ODAD2: variants seen among roughly 807,000 people sequenced by gnomAD.
The protein encoded by ODAD2 is outer dynein arm docking complex subunit 2.
ODAD2 carries 89 observed loss-of-function variants against 106.8 expected under a neutral mutation model. The observed-to-expected ratio is 0.83, with a 90% CI of 0.70 to 0.99. The LOEUF (loss-of-function observed/expected upper bound fraction) is 0.99, where lower values mean the gene tolerates loss of function less well. Among genes scored for constraint, ODAD2 ranks in the 50% least tolerant of loss-of-function variants. The probability of loss-of-function intolerance (pLI) is 0.00; values close to 1 mark genes in which losing one functional copy is unlikely to be tolerated. For synonymous variants in ODAD2, 404 were observed against 436.2 expected, an observed-to-expected ratio of 0.93 and a Z score of 0.92; for missense variants, 1,168 against 1,238.5, an observed-to-expected ratio of 0.94 and a Z score of 0.85.
At chr10:27,862,829 T>A (rs1840152400) in intron 17 of ODAD2, among the ~76,000 whole-genome samples, 1 of 152,228 alleles carries the variant, frequency 6.6e-6, no homozygotes, top group South Asian at 2.1e-4. Flanking sequence ...TATATACATA[T>A]GTAGCACATA....
intron 17 of ODAD2, among the ~76,000 whole-genome samples, chr10:27,869,519 T>G (rs970841033): frequency 1.4e-5 from 2 of 141,126 alleles, no homozygotes; most frequent in Non-Finnish European, 3.1e-5. Flanking sequence ...ACTAAGTCAC[T>G]TTTTTTTCTT....
chr10:27,955,158 C>T (rs559283280), intron 10 of ODAD2, among the ~76,000 whole-genome samples: 1 of 152,216 alleles, frequency 6.6e-6, no homozygotes, highest in Non-Finnish European at 1.5e-5. Flanking sequence ...TTCGAGTGGA[C>T]GAACAGTGAG....
chr10:27,992,893 T>C (rs1238024051), intron 2 of ODAD2, among the ~76,000 whole-genome samples: 1 of 152,202 alleles, frequency 6.6e-6, no homozygotes, highest in African/African-American at 2.4e-5. Flanking sequence ...TTTTCTGTCA[T>C]CTGCTTTAAA....
At chr10:27,924,628 A>C (rs1168667823) in intron 16 of ODAD2, among the ~76,000 whole-genome samples, 2 of 146,292 alleles carry the variant, frequency 1.4e-5, no homozygotes, top group African/African-American at 4.9e-5. Flanking sequence ...AAAAAAAAAA[A>C]AAAAAAAAAA....
At chr10:27,902,485 T>C (rs542057043) in intron 17 of ODAD2, among the ~76,000 whole-genome samples, 1 of 152,246 alleles carries the variant, frequency 6.6e-6, no homozygotes, top group Non-Finnish European at 1.5e-5. Flanking sequence ...GGAAAAACTC[T>C]TCAAAAAATC....
intron 19 of ODAD2, among the ~76,000 whole-genome samples, chr10:27,819,177 T>A (rs1031778666): frequency 2.0e-5 from 3 of 151,948 alleles, no homozygotes; most frequent in Non-Finnish European, 4.4e-5. Context: ...CTGCAGTGTG[T>A]GGGAGGGAAG....
At chr10:27,870,010 G>A (rs1319028456) in intron 17 of ODAD2, among the ~76,000 whole-genome samples, 1 of 151,880 alleles carries the variant, frequency 6.6e-6, no homozygotes, top group African/African-American at 2.4e-5. Flanking sequence ...TATATATATA[G>A]TTGGAAGTAT....
chr10:27,826,442 C>T (rs970831817), intron 19 of ODAD2, among the ~76,000 whole-genome samples: 2 of 152,100 alleles, frequency 1.3e-5, no homozygotes, highest in East Asian at 1.9e-4. Flanking sequence ...TATTTAAAAC[C>T]GGCTCCACTC....
intron 10 of ODAD2, among the ~76,000 whole-genome samples, chr10:27,952,959 T>G (rs149226430): frequency 1.3e-5 from 2 of 152,236 alleles, no homozygotes; most frequent in East Asian, 3.8e-4. Context: ...AACTGTAGTG[T>G]GCATATATTG....
chr10:27,899,469 T>C (rs1462965139), intron 17 of ODAD2, among the ~76,000 whole-genome samples: 3 of 151,782 alleles, frequency 2.0e-5, no homozygotes, highest in Non-Finnish European at 4.4e-5. Context: ...GACAGAACTG[T>C]TCACACTCCT....
At chr10:27,843,190 A>T (rs558745147) in intron 19 of ODAD2, among the ~76,000 whole-genome samples, 101 of 152,300 alleles carry the variant, frequency 6.6e-4, no homozygotes, top group Non-Finnish European at 1.0e-3. Flanking sequence ...TTATTTTTTT[A>T]AAAAATAAGC....
intron 7 of ODAD2, among the ~76,000 whole-genome samples, chr10:27,971,702 A>G (rs1848877289): frequency 6.6e-6 from 1 of 152,222 alleles, no homozygotes; most frequent in African/African-American, 2.4e-5. Context: ...AATGAACATA[A>G]GAATTTTAAA....
chr10:27,976,977 A>G (rs1027489246), intron 7 of ODAD2, among the ~76,000 whole-genome samples: 1 of 152,234 alleles, frequency 6.6e-6, no homozygotes, highest in Non-Finnish European at 1.5e-5. Flanking sequence ...TATAAAGGTA[A>G]TTCAGTGAAA....
At chr10:27,884,158 T>G (rs1174983327) in intron 17 of ODAD2, among the ~76,000 whole-genome samples, 1 of 152,040 alleles carries the variant, frequency 6.6e-6, no homozygotes, top group Admixed American at 6.6e-5. Context: ...CAAAGAATCT[T>G]GAAAGTTGCA....
Position 27,877,882 on chromosome 10 carries a change from G to A in ODAD2, c.2611-15260C>T, listed in dbSNP as rs1049200854. Among the ~76,000 whole-genome samples, 5 of 152,076 alleles carry A rather than the reference G, an allele frequency of 3.3e-5. No individual in the cohort carries two copies. The East Asian group carries it at 5.8e-4, about 18-fold the overall frequency. ...CATTATCTCATATGATCTTCACAAC[G>A]TTGTCTTAAGGGGGCATGAAATTTT... is the stretch of plus-strand genomic sequence containing the variant. On this transcript the variant is annotated intron_variant, in intron 17 of 19. Coordinates refer to ENST00000305242, the MANE Select transcript of ODAD2 (RefSeq NM_018076.5).
intron 9 of ODAD2, among the ~76,000 whole-genome samples, chr10:27,965,660 C>A (rs1264639799): frequency 2.6e-5 from 4 of 152,142 alleles, no homozygotes; most frequent in South Asian, 2.1e-4. Context: ...TTAATCTTTA[C>A]AAAATGTATC....
intron 10 of ODAD2, among the ~76,000 whole-genome samples, chr10:27,949,184 A>G (rs1480764430): frequency 6.6e-6 from 1 of 152,216 alleles, no homozygotes; most frequent in East Asian, 1.9e-4. Context: ...TTCATTCAAC[A>G]AATGTGTTGC....
chr10:27,876,256 G>T (rs557219638), intron 17 of ODAD2, among the ~76,000 whole-genome samples: 3 of 152,154 alleles, frequency 2.0e-5, no homozygotes, highest in Admixed American at 6.5e-5. Context: ...CCTCAAGTGG[G>T]TCCCTGACTC....
chr10:27,874,239 C>G (rs1415706533), intron 17 of ODAD2, among the ~76,000 whole-genome samples: 1 of 152,130 alleles, frequency 6.6e-6, no homozygotes, highest in African/African-American at 2.4e-5. Flanking sequence ...TATTTTGAGC[C>G]TATGTGTGTC....
Sources: gnomAD v4.1 joint callset for allele counts (sites outside exome capture counted in the v4.1 genomes callset) on GRCh38, gnomAD v4.1.1 for gene constraint, MANE v1.5 for transcripts, NCBI Gene and HGNC (gene_info 2026-07-23, HGNC 2026-07-21) for gene names.